Variants in EXOC4 observed in about 807,000 individuals in gnomAD.
EXOC4 encodes exocyst complex component 4, also known as SEC8-like 1.
EXOC4 carries 71 observed loss-of-function variants against 107.2 expected under a neutral mutation model. The observed-to-expected ratio is 0.66, with a 90% CI of 0.55 to 0.81. The LOEUF (loss-of-function observed/expected upper bound fraction) is 0.81, where lower values mean the gene tolerates loss of function less well. EXOC4 is among the 30% of genes least tolerant of loss of function. EXOC4 has a pLI of 0.00. For missense variants in EXOC4, 1,108 were observed against 1,189.6 expected (o/e 0.93, Z 1.01); for synonymous variants, 456 against 441.2 (o/e 1.03, Z -0.42).
chr7:133,657,675 G>A (rs529639405), intron 10 of EXOC4, among the ~76,000 whole-genome samples: 2 of 152,130 alleles, frequency 1.3e-5, no homozygotes, highest in Non-Finnish European at 2.9e-5. Flanking sequence ...ACTTGGAACT[G>A]GGAGATACAG....
At chr7:134,067,634 TATATACACACAC>T (rs1181810408), downstream of EXOC4, among the ~76,000 whole-genome samples, 19 of 133,758 alleles carry the variant, frequency 1.4e-4, no homozygotes, top group Non-Finnish European at 2.5e-4. Context: ...CTTATATATA[TATATACACACAC>T]ACACACACAC....
At chr7:133,440,194 C>T (rs1018042824) in intron 7 of EXOC4, among the ~76,000 whole-genome samples, 2 of 152,136 alleles carry the variant, frequency 1.3e-5, no homozygotes, top group Admixed American at 1.3e-4. Flanking sequence ...TTGAACACTA[C>T]AATGGCTTTC....
At chr7:133,360,644 A>G (rs1320322521) in intron 6 of EXOC4, among the ~76,000 whole-genome samples, 2 of 152,232 alleles carry the variant, frequency 1.3e-5, no homozygotes, top group Admixed American at 6.5e-5. Flanking sequence ...AGAAAGCTTC[A>G]TGGAAAACAT....
intron 11 of EXOC4, among the ~76,000 whole-genome samples, chr7:133,848,621 A>G (rs117800032): frequency 0.014 from 2,170 of 152,232 alleles, 24 homozygotes; most frequent in Non-Finnish European, 0.023. Context: ...TTATTATTCC[A>G]CGACTTTCCC....
chr7:133,878,880 A>G (rs1233566711), intron 11 of EXOC4, among the ~76,000 whole-genome samples: 1 of 152,042 alleles, frequency 6.6e-6, no homozygotes. Context: ...GTGCTCCACC[A>G]TGCCTGGCTA....
At chr7:134,004,826 A>C in intron 15 of EXOC4, 86 bp from the exon 16 acceptor site, 2 of 1,052,390 alleles carry the variant, frequency 1.9e-6, no homozygotes, top group Admixed American at 2.3e-5. Context: ...ATAATTTATT[A>C]GTTATTTTGG....
intron 10 of EXOC4, among the ~76,000 whole-genome samples, chr7:133,788,669 T>G (rs1354250513): frequency 6.6e-6 from 1 of 152,116 alleles, no homozygotes; most frequent in Non-Finnish European, 1.5e-5. Flanking sequence ...ATTTTTATGT[T>G]TTTAGTAGAA....
chr7:133,599,298 A>G (rs1801752597), intron 9 of EXOC4, among the ~76,000 whole-genome samples: 1 of 152,218 alleles, frequency 6.6e-6, no homozygotes, highest in Non-Finnish European at 1.5e-5. Context: ...AAGGCTTCTT[A>G]GTATCTCCTG....
intron 14 of EXOC4, among the ~76,000 whole-genome samples, chr7:133,962,287 A>G (rs1800964572): frequency 6.6e-6 from 1 of 152,168 alleles, no homozygotes; most frequent in African/African-American, 2.4e-5. Context: ...ACAGTGATGC[A>G]TTTGCTCTCT....
At chr7:133,863,421 T>C (rs1404891100) in intron 11 of EXOC4, among the ~76,000 whole-genome samples, 1 of 152,122 alleles carries the variant, frequency 6.6e-6, no homozygotes, top group Non-Finnish European at 1.5e-5. Flanking sequence ...GATGTAATAA[T>C]AAACCAAAAA....
chr7:133,971,361 T>TATATATATATATATAGAGAGAGAG (rs1489958236), intron 14 of EXOC4, among the ~76,000 whole-genome samples: 1 of 75,090 alleles, frequency 1.3e-5, no homozygotes, highest in Non-Finnish European at 2.4e-5. Flanking sequence ...TATATATATA[T>TATATATATATATATAGAGAGAGAG]AGAGAGAGAG....
At chr7:133,623,733 T>C (rs563586767) in intron 9 of EXOC4, among the ~76,000 whole-genome samples, 11 of 152,248 alleles carry the variant, frequency 7.2e-5, no homozygotes, top group African/African-American at 2.6e-4. Context: ...TCATAGTAAA[T>C]CATTTGAGGG....
chr7:133,491,785 C>T (rs950727091), intron 9 of EXOC4, among the ~76,000 whole-genome samples: 9 of 152,096 alleles, frequency 5.9e-5, no homozygotes, highest in Non-Finnish European at 1.3e-4. Flanking sequence ...CAAGGGAAGT[C>T]ATAGGAGGTA....
intron 14 of EXOC4, among the ~76,000 whole-genome samples, chr7:133,965,685 T>C (rs1482109478): frequency 6.6e-6 from 1 of 152,182 alleles, no homozygotes; most frequent in African/African-American, 2.4e-5. Flanking sequence ...TTGGTCTATA[T>C]CTCTGTTTTG....
At chr7:133,839,300 A>G (rs1056390442) in intron 11 of EXOC4, among the ~76,000 whole-genome samples, 6 of 152,118 alleles carry the variant, frequency 3.9e-5, no homozygotes, top group Admixed American at 3.9e-4. Flanking sequence ...ATCCCTTGCC[A>G]TATCATTTGG....
chr7:134,029,484 G>T (rs1795219745), intron 17 of EXOC4, among the ~76,000 whole-genome samples: 1 of 147,684 alleles, frequency 6.8e-6, no homozygotes, highest in South Asian at 2.1e-4. Context: ...CTTTTTGGTG[G>T]TCTATTGATT....
At chr7:133,844,634 T>A (rs1798088773) in intron 11 of EXOC4, among the ~76,000 whole-genome samples, 1 of 152,036 alleles carries the variant, frequency 6.6e-6, no homozygotes. Flanking sequence ...GTGATCTGCC[T>A]GCCTCGGCCT....
At chr7:134,015,972 G>C (rs546704124) in intron 17 of EXOC4, among the ~76,000 whole-genome samples, 22 of 152,100 alleles carry the variant, frequency 1.4e-4, no homozygotes, top group African/African-American at 5.3e-4. Context: ...TGAGAAGTGT[G>C]AAGGAGCTAA....
chr7:133,568,921 G>A (rs1800962623), intron 9 of EXOC4, among the ~76,000 whole-genome samples: 1 of 152,106 alleles, frequency 6.6e-6, no homozygotes, highest in Admixed American at 6.6e-5. Context: ...GAATGTTGAT[G>A]TACCGTGTGA....
Sources: gnomAD v4.1 joint callset for allele counts (sites outside exome capture counted in the v4.1 genomes callset) on GRCh38, gnomAD v4.1.1 for gene constraint, MANE v1.5 for transcripts, NCBI Gene and HGNC (gene_info 2026-07-23, HGNC 2026-07-21) for gene names.